Variants in GP1BB observed in about 807,000 individuals in gnomAD.
GP1BB encodes glycoprotein Ib platelet subunit beta, also known as platelet glycoprotein Ib beta chain.
GP1BB carries 3 observed loss-of-function variants against 2.5 expected under a neutral mutation model. The ratio of observed to expected loss-of-function variants is 1.22; its 90% CI spans 0.56 to 3.15. GP1BB has a LOEUF of 3.15. Among genes scored for constraint, GP1BB ranks in the 30% most tolerant of loss-of-function variants. The pLI, the probability that GP1BB is intolerant of heterozygous loss-of-function variation, is 0.03. For missense variants in GP1BB, 316 were observed against 307.0 expected, an observed-to-expected ratio of 1.03 and a Z score of -0.22; for synonymous variants, 191 against 167.5, an observed-to-expected ratio of 1.14 and a Z score of -1.08.
In GP1BB at chr22:19,724,062, G is replaced by A. The variant is rs897029998; in HGVS notation, c.219G>A (p.Gly73=). 2.0e-6 allele frequency: 3 copies of A among 1,505,190 alleles called. No homozygotes were observed. Among genetic ancestry groups the A allele is most frequent in the Middle Eastern group, 1.9e-4 (1 of 5,220 alleles). The allele number at this position is 1,505,190 out of a possible 1,614,324, so 93.2% of individuals were successfully genotyped here. ...ACAACCTGACGGCGCTGCCGCCGGGGCTGCTGGACGCGCTGCCCGCGCTGC... is the reference window on the plus strand; with the variant it reads ...ACAACCTGACGGCGCTGCCGCCGGGACTGCTGGACGCGCTGCCCGCGCTGC... ...TGNNLTALPP[G]LLDALPALRT... The change falls in exon 2 of 2, where the codon GGG becomes GGA. Residue 73 remains glycine (G), a synonymous_variant. Transcript: ENST00000366425.
chr22:19,723,934 A>T lies in GP1BB; in HGVS notation c.91A>T (p.Ser31Cys). The change falls in exon 2 of 2, where the codon AGC becomes TGC. Residue 31 changes from serine (S) to cysteine (C), a missense_variant. Coordinates refer to ENST00000366425, the MANE Select transcript of GP1BB (RefSeq NM_000407.5). ...GGCCGCAGGTTGCCCGGCGCCCTGT[A>T]GCTGCGCGGGGACGCTCGTGGACTG... is the stretch of plus-strand genomic sequence containing the variant. ...RPAAGCPAPC[S>C]CAGTLVDCGR... is the part of the protein sequence containing the mutation. The T allele has an allele frequency of 2.0e-6, 3 of 1,524,332 alleles. No homozygotes were observed. The Middle Eastern group carries it at 6.2e-4, about 315-fold the overall frequency. 94.4% of individuals were successfully genotyped at this position (1,524,332 alleles called of 1,614,324 possible). A position where few individuals can be genotyped will look rare whatever the true frequency, so the allele number is the denominator to read the frequency against.
rs1238343511 is a variant in GP1BB at position 19,724,767 on chromosome 22, T to G, written c.*303T>G. On this transcript the variant is annotated 3_prime_UTR_variant, in exon 2 of 2. Coordinates refer to ENST00000366425, the MANE Select transcript of GP1BB (RefSeq NM_000407.5). The stretch of plus-strand genomic sequence containing the variant: ...TCTGGTGCTGAATAAACCCTTCTGA[T>G]CTGGTCTTCTCTGCACGACTGACCT... The G allele has an allele frequency of 5.0e-6, 2 of 398,024 alleles. No homozygotes were observed. The highest frequency in any genetic ancestry group is 9.3e-6 in the Non-Finnish European group (2 of 215,832). The allele number at this position is 398,024 out of a possible 1,614,324, so 24.7% of individuals were successfully genotyped here.
chr22:19,724,527 A>G lies in GP1BB; in HGVS notation c.*63A>G. 1 of 1,162,934 alleles carries G rather than the reference A, an allele frequency of 8.6e-7. No individual in the cohort carries two copies. The highest frequency in any genetic ancestry group is 2.6e-5 in the East Asian group (1 of 38,742). The allele number at this position is 1,162,934 out of a possible 1,614,324, so 72.0% of individuals were successfully genotyped here. ...TGGGCAACACGGGCCTGCAAACTCG[A>G]CAGGACCCTGCCCGAGGGGCCCTCG... On this transcript the variant is annotated 3_prime_UTR_variant, in exon 2 of 2. Coordinates refer to ENST00000366425, the MANE Select transcript of GP1BB (RefSeq NM_000407.5).
At position 19,724,694 on chromosome 22, in the gene GP1BB, C is replaced by T; in HGVS notation, c.*230C>T. The T allele has an allele frequency of 1.7e-6, 1 of 582,788 alleles. No homozygotes were observed. The allele number at this position is 582,788 out of a possible 1,614,324, so 36.1% of individuals were successfully genotyped here. A position where few individuals can be genotyped will look rare whatever the true frequency, so the allele number is the denominator to read the frequency against. Reference sequence around the variant, plus strand: ...ACCCGCACTTCCAGGCTTGGGAGGACCATGGGGCACAATGCGGTCCAGACC... The same window carrying T: ...ACCCGCACTTCCAGGCTTGGGAGGATCATGGGGCACAATGCGGTCCAGACC... On this transcript the variant is annotated 3_prime_UTR_variant, in exon 2 of 2. Transcript: ENST00000366425.
chr22:19,724,390 C>T lies in GP1BB; in HGVS notation c.547C>T (p.Arg183Cys), dbSNP rs1441874501. ...CRLRRLRARA[R>C]ARAAARLSLT... is the part of the protein sequence containing the mutation. Reference sequence around the variant, plus strand: ...CCTGCGGAGGCTGCGGGCCCGGGCCCGCGCTCGCGCCGCAGCCCGGCTGTC... The same window carrying T: ...CCTGCGGAGGCTGCGGGCCCGGGCCTGCGCTCGCGCCGCAGCCCGGCTGTC... The change falls in exon 2 of 2, where the codon CGC (arginine) becomes TGC (cysteine). Residue 183 changes from arginine (R) to cysteine (C), a missense_variant. Physicochemically the swap from Arg to Cys is radical, Grantham distance 180. Transcript: ENST00000366425. 2 of 1,534,872 alleles carry T rather than the reference C, an allele frequency of 1.3e-6. No individual in the cohort carries two copies. The highest frequency in any genetic ancestry group is 1.2e-5 in the South Asian group (1 of 83,158).
rs2145797086 is a variant in GP1BB at position 19,724,610 on chromosome 22, C to T, written c.*146C>T. Reference sequence around the variant, plus strand: ...TGCCCAATCTCTCAGACCCACCCCACCTGCAGGCCCAGACCACGTGGGACA... The same window carrying T: ...TGCCCAATCTCTCAGACCCACCCCATCTGCAGGCCCAGACCACGTGGGACA... On this transcript the variant is annotated 3_prime_UTR_variant, in exon 2 of 2. Transcript: ENST00000366425. 1 of 684,456 alleles carries T rather than the reference C, an allele frequency of 1.5e-6. No homozygotes were observed. The highest frequency in any genetic ancestry group is 2.6e-6 in the Non-Finnish European group (1 of 377,604). 42.4% of individuals were successfully genotyped at this position (684,456 alleles called of 1,614,324 possible). A position where few individuals can be genotyped will look rare whatever the true frequency, so the allele number is the denominator to read the frequency against.
At position 19,724,506 on chromosome 22, in the gene GP1BB, C is replaced by A. The variant is rs1391035744; in HGVS notation, c.*42C>A. The A allele has an allele frequency of 1.5e-6, 2 of 1,328,336 alleles. No homozygotes were observed. Among genetic ancestry groups the A allele is most frequent in the Non-Finnish European group, 2.1e-6 (2 of 946,844 alleles). 82.3% of individuals were successfully genotyped at this position (1,328,336 alleles called of 1,614,324 possible). A position where few individuals can be genotyped will look rare whatever the true frequency, so the allele number is the denominator to read the frequency against. On this transcript the variant is annotated 3_prime_UTR_variant, in exon 2 of 2. Coordinates refer to ENST00000366425, the MANE Select transcript of GP1BB (RefSeq NM_000407.5). ...TCCTGAGGAGAGAACCGGCGCTGGGCAACACGGGCCTGCAAACTCGACAGG... is the reference window on the plus strand; with the variant it reads ...TCCTGAGGAGAGAACCGGCGCTGGGAAACACGGGCCTGCAAACTCGACAGG...
chr22:19,724,771 GTCT>G (rs1352543650), downstream of GP1BB: 12 of 393,308 alleles, frequency 3.1e-5, no homozygotes, highest in Admixed American at 1.6e-4. Flanking sequence ...TTCTGATCTG[GTCT>G]TCTCTGCACG....
chr22:19,723,579 G>T lies in GP1BB; in HGVS notation c.10G>T (p.Gly4Trp), dbSNP rs1936100246. ...CTGCCGTCTTCTCGCCATGGGCTCC[G>T]GTGAGTCTGGAGTCCGGTCGGGCCC... is the stretch of plus-strand genomic sequence containing the variant. MGS[G>W]PRGALSLLLL... is the part of the protein sequence containing the mutation. Residue 4 changes from glycine to tryptophan, a missense_variant and splice_region_variant, in exon 1 of 2, where the codon GGG (glycine) becomes TGG (tryptophan). Physicochemically the swap from Gly to Trp is radical, Grantham distance 184 (BLOSUM62 -2). Coordinates refer to ENST00000366425, the MANE Select transcript of GP1BB (RefSeq NM_000407.5). 1.3e-6 allele frequency: 2 copies of T among 1,597,386 alleles called. No individual in the cohort carries two copies. The highest frequency in any genetic ancestry group is 2.7e-5 in the African/African-American group (2 of 74,798).
Position 19,723,955 on chromosome 22 carries a change from G to C in GP1BB, c.112G>C (p.Asp38His), listed in dbSNP as rs77761572. ...APCSCAGTLV[D>H]CGRRGLTWAS... is the part of the protein sequence containing the mutation. ...CTGTAGCTGCGCGGGGACGCTCGTG[G>C]ACTGCGGGCGCCGCGGGCTGACTTG... is the stretch of plus-strand genomic sequence containing the variant. The change falls in exon 2 of 2, where the codon GAC becomes CAC. Residue 38 changes from aspartate to histidine, a missense_variant. Transcript: ENST00000366425. The C allele has an allele frequency of 5.9e-6, 9 of 1,524,002 alleles. No individual in the cohort carries two copies. The African/African-American group carries it at 1.3e-4, about 22-fold the overall frequency. The allele number at this position is 1,524,002 out of a possible 1,614,324, so 94.4% of individuals were successfully genotyped here.
Position 19,724,206 on chromosome 22 carries a change from C to T in GP1BB, c.363C>T (p.Pro121=), listed in dbSNP as rs1218421451. Residue 121 remains proline (P), a synonymous_variant, in exon 2 of 2, where the codon CCC becomes CCT. Coordinates refer to ENST00000366425, the MANE Select transcript of GP1BB (RefSeq NM_000407.5). ...APYRDLRCVA[P]PALRGRLLPY... ...ACCGCGACCTGCGTTGCGTGGCGCC[C>T]CCAGCGCTGCGCGGCCGCCTGCTGC... The T allele has an allele frequency of 6.5e-6, 8 of 1,227,854 alleles. No individual in the cohort carries two copies. The highest frequency in any genetic ancestry group is 8.1e-6 in the Non-Finnish European group (8 of 988,948). The allele number at this position is 1,227,854 out of a possible 1,614,324, so 76.1% of individuals were successfully genotyped here.
chr22:19,724,586 G>A lies in GP1BB; in HGVS notation c.*122G>A. On this transcript the variant is annotated 3_prime_UTR_variant, in exon 2 of 2. Transcript: ENST00000366425. The stretch of plus-strand genomic sequence containing the variant: ...TGGACCGGTCCCCGCCTCCTCCGCT[G>A]CCCAATCTCTCAGACCCACCCCACC... 1 of 744,190 alleles carries A rather than the reference G, an allele frequency of 1.3e-6. No individual in the cohort carries two copies. The highest frequency in any genetic ancestry group is 2.4e-6 in the Non-Finnish European group (1 of 423,486). 46.1% of individuals were successfully genotyped at this position (744,190 alleles called of 1,614,324 possible). A position where few individuals can be genotyped will look rare whatever the true frequency, so the allele number is the denominator to read the frequency against.
At position 19,724,521 on chromosome 22, in the gene GP1BB, A is replaced by T; in HGVS notation, c.*57A>T. On this transcript the variant is annotated 3_prime_UTR_variant, in exon 2 of 2. Transcript: ENST00000366425. Reference sequence around the variant, plus strand: ...CGGCGCTGGGCAACACGGGCCTGCAAACTCGACAGGACCCTGCCCGAGGGG... The same window carrying T: ...CGGCGCTGGGCAACACGGGCCTGCATACTCGACAGGACCCTGCCCGAGGGG... 1 of 1,197,684 alleles carries T rather than the reference A, an allele frequency of 8.3e-7. No homozygotes were observed. Among genetic ancestry groups the T allele is most frequent in the East Asian group, 2.6e-5 (1 of 38,968 alleles). 74.2% of individuals were successfully genotyped at this position (1,197,684 alleles called of 1,614,324 possible).
At chr22:19,723,797 G>A in intron 1 of GP1BB, 57 bp from the exon 2 acceptor site, 1 of 1,466,012 alleles carries the variant, frequency 6.8e-7, no homozygotes, top group Non-Finnish European at 9.1e-7. Flanking sequence ...TGGGTACTCA[G>A]AGATGTCGCC....
Position 19,724,447 on chromosome 22 carries a change from GGAACCGACGAGTCCTGAGGAGA to G in GP1BB, c.611_*11del, listed in dbSNP as rs1490548765. 1.9e-6 allele frequency: 3 copies of G among 1,544,046 alleles called. No homozygotes were observed. Among genetic ancestry groups the G allele is most frequent in the Non-Finnish European group, 2.6e-6 (3 of 1,143,694 alleles). On this transcript the variant is annotated stop_retained_variant and 3_prime_UTR_variant, in exon 2 of 2. Coordinates refer to ENST00000366425, the MANE Select transcript of GP1BB (RefSeq NM_000407.5). ...CGACCCGCTGGTGGCCGAGCGAGCC[GGAACCGACGAGTCCTGAGGAGA>G]GAACCGGTGCGTCCTGAGGAGAGAA...
Position 19,724,111 on chromosome 22 carries a change from C to T in GP1BB, c.268C>T (p.Pro90Ser), listed in dbSNP as rs1197982563. Residue 90 changes from proline to serine, a missense_variant, in exon 2 of 2, where the codon CCC becomes TCC. By Grantham distance (74) the Pro-to-Ser change is moderately conservative. Transcript: ENST00000366425. ...ALRTAHLGAN[P>S]WRCDCRLVPL... Reference sequence around the variant, plus strand: ...GCGCACCGCACACCTGGGCGCCAACCCCTGGCGCTGCGACTGCCGCCTTGT... The same window carrying T: ...GCGCACCGCACACCTGGGCGCCAACTCCTGGCGCTGCGACTGCCGCCTTGT... The T allele has an allele frequency of 2.1e-6, 3 of 1,443,012 alleles. No individual in the cohort carries two copies. The highest frequency in any genetic ancestry group is 2.7e-5 in the South Asian group (2 of 74,000). The allele number at this position is 1,443,012 out of a possible 1,614,324, so 89.4% of individuals were successfully genotyped here.
Position 19,724,617 on chromosome 22 carries a change from GC to G in GP1BB, c.*156del. On this transcript the variant is annotated 3_prime_UTR_variant, in exon 2 of 2. Transcript: ENST00000366425. ...TCTCTCAGACCCACCCCACCTGCAGGCCCAGACCACGTGGGACAGAACTCCT... is the reference window on the plus strand; with the variant it reads ...TCTCTCAGACCCACCCCACCTGCAGGCCAGACCACGTGGGACAGAACTCCT... 1.5e-6 allele frequency: 1 copy of G among 672,006 alleles called. No individual in the cohort carries two copies. The highest frequency in any genetic ancestry group is 2.7e-6 in the Non-Finnish European group (1 of 369,192). 41.6% of individuals were successfully genotyped at this position (672,006 alleles called of 1,614,324 possible).
At position 19,724,410 on chromosome 22, in the gene GP1BB, G is replaced by A; in HGVS notation, c.567G>A (p.Arg189=). 1 of 1,541,298 alleles carries A rather than the reference G, an allele frequency of 6.5e-7. No homozygotes were observed. Among genetic ancestry groups the A allele is most frequent in the Non-Finnish European group, 8.7e-7 (1 of 1,143,178 alleles). ...GGGCCCGCGCTCGCGCCGCAGCCCG[G>A]CTGTCGCTGACCGACCCGCTGGTGG... The part of the protein sequence containing the change: ...RARARARAAA[R]LSLTDPLVAE... The change falls in exon 2 of 2, where the codon CGG becomes CGA. Residue 189 remains arginine, a synonymous_variant. Transcript: ENST00000366425.
Position 19,723,867 on chromosome 22 carries a change from G to T in GP1BB, c.24G>T (p.Ala8=), listed in dbSNP as rs527896903. 3.3e-6 allele frequency: 5 copies of T among 1,524,422 alleles called. No homozygotes were observed. In the African/African-American group the frequency reaches 5.6e-5, roughly 17 times the overall value. The allele number at this position is 1,524,422 out of a possible 1,614,324, so 94.4% of individuals were successfully genotyped here. A position where few individuals can be genotyped will look rare whatever the true frequency, so the allele number is the denominator to read the frequency against. ...CTTCCCTTGCAGGGCCGCGCGGGGCGCTGAGCTTACTGCTCCTGCTGCTGG... is the reference window on the plus strand; with the variant it reads ...CTTCCCTTGCAGGGCCGCGCGGGGCTCTGAGCTTACTGCTCCTGCTGCTGG... The part of the protein sequence containing the change: MGSGPRG[A]LSLLLLLLAP... The change falls in exon 2 of 2, where the codon GCG becomes GCT. Residue 8 remains alanine, a synonymous_variant. Transcript: ENST00000366425.
Sources: allele counts gnomAD v4.1 joint callset, GRCh38; gene constraint gnomAD v4.1.1; transcripts MANE v1.5; gene names NCBI Gene and HGNC (gene_info 2026-07-23, HGNC 2026-07-21).